ERMARD: variants seen among roughly 807,000 people sequenced by gnomAD.
ERMARD encodes the protein endoplasmic reticulum membrane-associated RNA degradation protein.
In ERMARD, 71 loss-of-function variants were observed where a neutral mutation model predicts 83.9. The ratio of observed to expected loss-of-function variants is 0.85; its 90% CI spans 0.70 to 1.03. ERMARD has a LOEUF of 1.03. Ranked by LOEUF, ERMARD falls within the 50% of genes least tolerant of loss-of-function variation. ERMARD has a pLI of 0.00. For missense variants in ERMARD, 838 were observed against 810.9 expected, an observed-to-expected ratio of 1.03 and a Z score of -0.41; for synonymous variants, 284 against 298.6, an observed-to-expected ratio of 0.95 and a Z score of 0.50.
intron 12 of ERMARD, chr6:169,771,088 G>GT (rs1178266051): frequency 0.026 from 2,929 of 110,570 alleles, 83 homozygotes; most frequent in African/African-American, 0.088. Context: ...TTTTTTTTTT[G>GT]TTTTTTTTTT....
chr6:169,772,765 T>C (rs1227258439), intron 12 of ERMARD, among the ~76,000 whole-genome samples: 20 of 108,480 alleles, frequency 1.8e-4, no homozygotes, highest in Non-Finnish European at 2.9e-4. Context: ...AGTGAGACTC[T>C]GTCTCAAAAA....
rs4145078 is a variant in ERMARD at position 169,773,059 on chromosome 6, A to G, written c.1234-260A>G. 0.25 allele frequency: 96,304 copies of G among 377,848 alleles called. 13,598 individuals are homozygous for G. Among genetic ancestry groups the G allele is most frequent in the African/African-American group, 0.42 (20,131 of 48,216 alleles). 23.4% of individuals were successfully genotyped at this position (377,848 alleles called of 1,614,324 possible). ...GTTTGGAATCTTTTTTTTCTTATTCATCTCCAGTTTTGTGCACAGAGGGTG... is the reference window on the plus strand; with the variant it reads ...GTTTGGAATCTTTTTTTTCTTATTCGTCTCCAGTTTTGTGCACAGAGGGTG... On this transcript the variant is annotated intron_variant, in intron 12 of 17. Coordinates refer to ENST00000366773, the MANE Select transcript of ERMARD (RefSeq NM_018341.3).
intron 10 of ERMARD, chr6:169,766,953 A>G: frequency 3.1e-6 from 1 of 321,566 alleles, no homozygotes; most frequent in Non-Finnish European, 5.6e-6. Flanking sequence ...TTTTAGATTT[A>G]GGGGTGACAT....
intron 9 of ERMARD, 96 bp from the exon 10 acceptor site, chr6:169,766,542 G>T (rs770829899): frequency 7.5e-6 from 7 of 935,174 alleles, no homozygotes; most frequent in Non-Finnish European, 1.1e-5. Flanking sequence ...TTTGGGATGT[G>T]TGGCCATGTA....
rs17860639 is a variant in ERMARD, at chr6:169,759,163, A to G, written c.605+98A>G. The G allele has an allele frequency of 0.098, 105,649 of 1,080,098 alleles. 5,560 individuals carry two copies. The highest frequency in any genetic ancestry group is 0.13 in the African/African-American group (7,977 of 63,506). The allele number at this position is 1,080,098 out of a possible 1,614,324, so 66.9% of individuals were successfully genotyped here. ...GAGAAGGAAATAGATTTTGTGAAAG[A>G]TAAGTGAGTTTTGAGATAGGATTTT... On this transcript the variant is annotated intron_variant, in intron 6 of 17. Coordinates refer to ENST00000366773, the MANE Select transcript of ERMARD (RefSeq NM_018341.3).
chr6:169,752,829 C>T (rs934198665), intron 1 of ERMARD, among the ~76,000 whole-genome samples: 1 of 152,182 alleles, frequency 6.6e-6, no homozygotes, highest in African/African-American at 2.4e-5. Flanking sequence ...CCATGGAAAA[C>T]CAGTACGGTT....
upstream of ERMARD, chr6:169,751,526 C>A: frequency 6.2e-7 from 1 of 1,610,536 alleles, no homozygotes; most frequent in Non-Finnish European, 8.5e-7. Context: ...CCTAGCCAGT[C>A]CCGCGAGGGC....
intron 13 of ERMARD, among the ~76,000 whole-genome samples, chr6:169,774,679 T>C (rs1423014135): frequency 6.6e-6 from 1 of 152,250 alleles, no homozygotes; most frequent in African/African-American, 2.4e-5. Context: ...GCCACCGTTG[T>C]ACTTGCTCAT....
At chr6:169,756,494 A>C in intron 4 of ERMARD, 55 bp downstream of exon 4, 2 of 1,311,432 alleles carry the variant, frequency 1.5e-6, no homozygotes, top group African/African-American at 1.5e-5. Flanking sequence ...AATGAACATG[A>C]AACTATTTTA....
chr6:169,775,324 G>C lies in ERMARD; in HGVS notation c.1372G>C (p.Glu458Gln), dbSNP rs753334453. The change falls in exon 14 of 18, where the codon GAA becomes CAA. Residue 458 changes from glutamate to glutamine, a missense_variant. Physicochemically the swap from Glu to Gln is conservative, Grantham distance 29 (BLOSUM62 2). Transcript: ENST00000366773. ...TTGGGCTCTGCTGCCTTTCCCCGAA[G>C]AACTCACTCGGCAAGCCGTCAGGTG... The part of the protein sequence containing the change: ...RVWALLPFPE[E>Q]LTRQAVRLED... The C allele has an allele frequency of 1.4e-5, 23 of 1,614,058 alleles. No homozygotes were observed. Among genetic ancestry groups the C allele is most frequent in the Non-Finnish European group, 1.9e-5 (22 of 1,180,000 alleles).
Position 169,781,494 on chromosome 6 carries a change from C to A in ERMARD, c.2018C>A (p.Thr673Lys). The A allele has an allele frequency of 6.2e-7, 1 of 1,601,526 alleles. No homozygotes were observed. Among genetic ancestry groups the A allele is most frequent in the South Asian group, 1.1e-5 (1 of 87,558 alleles). Reference protein sequence around the residue: ...QMLIHLAKKSTSKVLL With the variant: ...QMLIHLAKKSKSKVLL ...TTAATACATTTAGCCAAGAAATCCA[C>A]AAGTAAAGTACTCTTATGAAAACTT... The change falls in exon 18 of 18, where the codon ACA becomes AAA. Residue 673 changes from threonine to lysine, a missense_variant. By Grantham distance (78) the Thr-to-Lys change is moderately conservative. Transcript: ENST00000366773.
intron 5 of ERMARD, 24 bp downstream of exon 5, chr6:169,756,832 T>TG: frequency 6.3e-7 from 1 of 1,598,216 alleles, no homozygotes; most frequent in Non-Finnish European, 8.6e-7. Flanking sequence ...TCTAAACTCA[T>TG]GGAGTATATT....
At position 169,756,622 on chromosome 6, in the gene ERMARD, C is replaced by T. The variant is rs189135542; in HGVS notation, c.418-97C>T. On this transcript the variant is annotated intron_variant, in intron 4 of 17. Transcript: ENST00000366773. ...AAAGGATTGGTGTCTAAGTACTTTTCACCCTTCATTTGTACAAACAGTTGC... is the reference window on the plus strand; with the variant it reads ...AAAGGATTGGTGTCTAAGTACTTTTTACCCTTCATTTGTACAAACAGTTGC... 5 of 1,125,414 alleles carry T rather than the reference C, an allele frequency of 4.4e-6. No individual in the cohort carries two copies. In the East Asian group the frequency reaches 9.5e-5, roughly 21 times the overall value. The allele number at this position is 1,125,414 out of a possible 1,614,324, so 69.7% of individuals were successfully genotyped here.
At position 169,781,407 on chromosome 6, in the gene ERMARD, C is replaced by G; in HGVS notation, c.1931C>G (p.Thr644Ser). Residue 644 changes from threonine (T) to serine (S), a missense_variant, in exon 18 of 18, where the codon ACT (threonine) becomes AGT (serine). Physicochemically the swap from Thr to Ser is moderately conservative, Grantham distance 58 (BLOSUM62 1). Transcript: ENST00000366773. ...TACGAAAAGAACAAGTGGAATGAAA[C>G]TATCAATCTTACACATACAGCTTTG... The part of the protein sequence containing the change: ...TSYEKNKWNE[T>S]INLTHTALLK... 1 of 1,613,462 alleles carries G rather than the reference C, an allele frequency of 6.2e-7. No homozygotes were observed. Among genetic ancestry groups the G allele is most frequent in the Admixed American group, 1.7e-5 (1 of 59,940 alleles).
At chr6:169,779,049 C>T (rs1793908317) in intron 16 of ERMARD, 133 bp from the exon 17 acceptor site, 1 of 832,962 alleles carries the variant, frequency 1.2e-6, no homozygotes, top group Non-Finnish European at 1.9e-6. Flanking sequence ...GCATTGGGCT[C>T]TAAGGATTAG....
intron 11 of ERMARD, 42 bp from the exon 12 acceptor site, chr6:169,769,498 G>A (rs1463998175): frequency 6.5e-7 from 1 of 1,549,968 alleles, no homozygotes; most frequent in Non-Finnish European, 8.7e-7. Flanking sequence ...TCTCTCTGCT[G>A]CGGATACTAA....
chr6:169,755,726 C>T (rs1790734282), intron 3 of ERMARD: 4 of 297,966 alleles, frequency 1.3e-5, no homozygotes, highest in East Asian at 7.0e-5. Context: ...CAGAATAAGG[C>T]GTTGTGGAGA....
chr6:169,754,167 C>A, intron 2 of ERMARD, 135 bp downstream of exon 2: 1 of 782,402 alleles, frequency 1.3e-6, no homozygotes, highest in Non-Finnish European at 1.9e-6. Context: ...CCAAGGAGAA[C>A]AGGAATCAAT....
chr6:169,764,025 TC>T (rs55736358), intron 9 of ERMARD, among the ~76,000 whole-genome samples: 3,575 of 152,352 alleles, frequency 0.023, 59 homozygotes, highest in Middle Eastern at 0.082. Context: ...CCCTCTGTCA[TC>T]TCAGCCTCAC....
Sources: allele counts gnomAD v4.1 joint callset (sites outside exome capture counted in the v4.1 genomes callset), GRCh38; gene constraint gnomAD v4.1.1; transcripts MANE v1.5; gene names NCBI Gene and HGNC (gene_info 2026-07-23, HGNC 2026-07-21).